CFAP44: variants seen among roughly 807,000 people sequenced by gnomAD.
The protein encoded by CFAP44 is cilia- and flagella-associated protein 44.
CFAP44 carries 134 observed loss-of-function variants against 216.2 expected under a neutral mutation model. The ratio of observed to expected loss-of-function variants is 0.62; its 90% CI spans 0.54 to 0.72. The LOEUF (loss-of-function observed/expected upper bound fraction) is 0.72, where lower values mean the gene tolerates loss of function less well. Ranked by LOEUF, CFAP44 falls within the 30% of genes least tolerant of loss-of-function variation. CFAP44 has a pLI of 0.00. For missense variants in CFAP44, 2,035 were observed against 2,182.1 expected (o/e 0.93, Z 1.34); for synonymous variants, 700 against 727.6 (o/e 0.96, Z 0.61).
chr3:113,364,261 A>G (rs984194938), intron 19 of CFAP44, among the ~76,000 whole-genome samples: 4 of 152,204 alleles, frequency 2.6e-5, no homozygotes, highest in Non-Finnish European at 5.9e-5. Context: ...TAGTCTGTTC[A>G]TAAATAAAAC....
chr3:113,345,116 CAT>C (rs1950368674), intron 22 of CFAP44, among the ~76,000 whole-genome samples: 1 of 147,770 alleles, frequency 6.8e-6, no homozygotes, highest in Non-Finnish European at 1.5e-5. Context: ...TATACATATA[CAT>C]ATATAATAGA....
At position 113,373,553 on chromosome 3, in the gene CFAP44, C is replaced by T. The variant is rs764209469; in HGVS notation, c.2302G>A (p.Gly768Ser). 1.0e-5 allele frequency: 16 copies of T among 1,583,526 alleles called. No individual in the cohort carries two copies. The highest frequency in any genetic ancestry group is 1.8e-5 in the Admixed American group (1 of 56,472). ...TGATATAGAAAACCAGAATCATAGC[C>T]ACCCTAGAAAAGAGATAAGTAACAT... ...EPGKFWVSLG[G>S]YDSGFLYHCE... The change falls in exon 18 of 35, where the codon GGC (glycine) becomes AGC (serine). Residue 768 changes from glycine (G) to serine (S), a missense_variant. By Grantham distance (56) the Gly-to-Ser change is moderately conservative. Transcript: ENST00000393845.
intron 22 of CFAP44, 87 bp from the exon 23 acceptor site, chr3:113,344,799 C>T (rs1950365680): frequency 8.6e-7 from 1 of 1,164,348 alleles, no homozygotes; most frequent in Non-Finnish European, 1.2e-6. Context: ...CTACAATACA[C>T]TATTCTTATT....
intron 19 of CFAP44, among the ~76,000 whole-genome samples, chr3:113,365,775 T>A (rs1233255282): frequency 6.6e-6 from 1 of 152,166 alleles, no homozygotes; most frequent in African/African-American, 2.4e-5. Context: ...GTTTTTTTAA[T>A]ATACAAACTT....
chr3:113,337,041 G>A (rs372475616), intron 24 of CFAP44, among the ~76,000 whole-genome samples: 126 of 150,876 alleles, frequency 8.4e-4, no homozygotes, highest in African/African-American at 2.9e-3. Context: ...CAAATGACAT[G>A]GTTGTCTACA....
intron 8 of CFAP44, among the ~76,000 whole-genome samples, chr3:113,406,496 C>T (rs1014182283): frequency 2.0e-5 from 3 of 152,002 alleles, no homozygotes; most frequent in Admixed American, 6.6e-5. Flanking sequence ...TGGTGGCAGG[C>T]GCCTGTAGTC....
chr3:113,440,169 T>C (rs1006260486), intron 1 of CFAP44, among the ~76,000 whole-genome samples: 2 of 152,210 alleles, frequency 1.3e-5, no homozygotes, highest in Admixed American at 1.3e-4. Context: ...GTTCAAGCGA[T>C]TCTCGTGCCT....
intron 2 of CFAP44, chr3:113,428,854 A>G (rs1029532194): frequency 1.3e-5 from 2 of 152,128 alleles, no homozygotes; most frequent in Non-Finnish European, 2.9e-5. Flanking sequence ...ACAATTTTAT[A>G]TACAAGTTTC....
intron 14 of CFAP44, 140 bp from the exon 15 acceptor site, chr3:113,396,000 T>C (rs1167675018): frequency 1.7e-6 from 1 of 605,368 alleles, no homozygotes; most frequent in Non-Finnish European, 2.7e-6. Context: ...AGAATTCTTA[T>C]TTCTAAAACT....
intron 7 of CFAP44, among the ~76,000 whole-genome samples, 153 bp downstream of exon 7, chr3:113,408,953 G>T (rs565855685): frequency 7.0e-5 from 9 of 129,138 alleles, no homozygotes; most frequent in Middle Eastern, 0.011. Flanking sequence ...TGCATTACTA[G>T]TTAGCTTTTA....
At chr3:113,300,939 A>G (rs1275249130) in intron 32 of CFAP44, among the ~76,000 whole-genome samples, 1 of 152,166 alleles carries the variant, frequency 6.6e-6, no homozygotes. Flanking sequence ...AAGATAATTT[A>G]ACATTTTTTA....
intron 7 of CFAP44, among the ~76,000 whole-genome samples, chr3:113,408,033 G>T (rs183430835): frequency 1.3e-5 from 2 of 152,034 alleles, no homozygotes; most frequent in Admixed American, 1.3e-4. Flanking sequence ...GCTAGCAGAA[G>T]GTTATTTGAC....
intron 15 of CFAP44, among the ~76,000 whole-genome samples, chr3:113,387,031 A>AGGCTTT (rs1290176407): frequency 6.6e-6 from 1 of 152,252 alleles, no homozygotes; most frequent in East Asian, 1.9e-4. Context: ...CCCAGTAGTC[A>AGGCTTT]GAACCTGAGT....
intron 1 of CFAP44, among the ~76,000 whole-genome samples, chr3:113,439,618 T>A (rs771915474): frequency 2.0e-5 from 3 of 152,222 alleles, no homozygotes; most frequent in Non-Finnish European, 4.4e-5. Flanking sequence ...ATAAACATCA[T>A]CTTCTTTTAG....
Position 113,427,289 on chromosome 3 carries a change from A to G in CFAP44, c.151T>C (p.Phe51Leu). 6.2e-7 allele frequency: 1 copy of G among 1,613,066 alleles called. No homozygotes were observed. The highest frequency in any genetic ancestry group is 8.5e-7 in the Non-Finnish European group (1 of 1,179,584). Residue 51 changes from phenylalanine to leucine, a missense_variant, in exon 3 of 35, where the codon TTT (phenylalanine) becomes CTT (leucine). Coordinates refer to ENST00000393845, the MANE Select transcript of CFAP44 (RefSeq NM_001164496.2). ...TFLEDDTDET[F>L]TKGEGSYLEE... ...AAATATGATCCTTCCCCTTTGGTAA[A>G]TGTTTCATCTGTGTCATCTTCTAAA...
chr3:113,296,944 C>T (rs891150491), intron 32 of CFAP44, 59 bp from the exon 33 acceptor site: 5 of 1,509,320 alleles, frequency 3.3e-6, no homozygotes, highest in Non-Finnish European at 3.6e-6. Context: ...TATAAATGAA[C>T]ACCAGGAACA....
intron 15 of CFAP44, among the ~76,000 whole-genome samples, chr3:113,382,500 T>C (rs1421758626): frequency 2.6e-5 from 4 of 151,844 alleles, no homozygotes; most frequent in Non-Finnish European, 4.4e-5. Context: ...ATTAGAGAAA[T>C]ATGGTAGTAG....
chr3:113,408,778 G>A lies in CFAP44; in HGVS notation c.890+328C>T, dbSNP rs981571102. On this transcript the variant is annotated intron_variant, in intron 7 of 34. Coordinates refer to ENST00000393845, the MANE Select transcript of CFAP44 (RefSeq NM_001164496.2). The stretch of plus-strand genomic sequence containing the variant: ...CTCAGGAGGCTGAGGCAGGAGAATC[G>A]CTTGAACCCAGGAGGCGGAGGTTGC... Among the ~76,000 whole-genome samples the A allele has an allele frequency of 2.7e-5, 4 of 149,808 alleles. No individual in the cohort carries two copies. The East Asian group carries it at 5.9e-4, about 22-fold the overall frequency.
intron 22 of CFAP44, among the ~76,000 whole-genome samples, chr3:113,349,034 A>C (rs1237756401): frequency 2.6e-5 from 4 of 152,204 alleles, no homozygotes; most frequent in Non-Finnish European, 5.9e-5. Flanking sequence ...AGCCGTCACC[A>C]GTATGGATCA....
Sources: gnomAD v4.1 joint callset for allele counts (sites outside exome capture counted in the v4.1 genomes callset) on GRCh38, gnomAD v4.1.1 for gene constraint, MANE v1.5 for transcripts, NCBI Gene and HGNC (gene_info 2026-07-23, HGNC 2026-07-21) for gene names.